QTRT1: variants seen among roughly 807,000 people sequenced by gnomAD.
QTRT1 encodes queuine tRNA-ribosyltransferase catalytic subunit 1, also known as TGT, 43-KD subunit.
A neutral mutation model predicts 44.0 loss-of-function variants in QTRT1; 41 were observed. The ratio of observed to expected loss-of-function variants is 0.93; its 90% CI spans 0.73 to 1.21. The LOEUF is 1.21. Ranked by LOEUF, QTRT1 falls within the 50% of genes most tolerant of loss-of-function variation. QTRT1 has a pLI of 0.00. For missense variants in QTRT1, 542 were observed against 575.8 expected (o/e 0.94, Z 0.60); for synonymous variants, 226 against 237.1 (o/e 0.95, Z 0.43).
intron 3 of QTRT1, among the ~76,000 whole-genome samples, chr19:10,704,838 C>G (rs1298791747): frequency 6.6e-6 from 1 of 151,872 alleles, no homozygotes; most frequent in Non-Finnish European, 1.5e-5. Flanking sequence ...CCGCCTGCCT[C>G]AGCCTCCCAA....
intron 5 of QTRT1, 101 bp downstream of exon 5, chr19:10,707,716 C>T: frequency 1.2e-6 from 1 of 803,414 alleles, no homozygotes; most frequent in Non-Finnish European, 1.9e-6. Context: ...TAGAAGGGCA[C>T]TGCGCTAGAA....
chr19:10,708,011 G>A (rs555658035), intron 5 of QTRT1, among the ~76,000 whole-genome samples: 28 of 151,122 alleles, frequency 1.9e-4, no homozygotes, highest in Admixed American at 4.0e-4. Context: ...GCTGTGGCGC[G>A]ATCTCGGCTC....
chr19:10,712,681 A>T lies in QTRT1; in HGVS notation c.861+53A>T. The T allele has an allele frequency of 2.7e-6, 2 of 753,654 alleles. No homozygotes were observed. Among genetic ancestry groups the T allele is most frequent in the Non-Finnish European group, 4.0e-6 (2 of 495,278 alleles). The allele number at this position is 753,654 out of a possible 1,614,324, so 46.7% of individuals were successfully genotyped here. A position where few individuals can be genotyped will look rare whatever the true frequency, so the allele number is the denominator to read the frequency against. ...GCGGGAGACGGGTGGGGGACTAGGG[A>T]GGCAAGGTTAGGGGTGGGGGGTGGG... On this transcript the variant is annotated intron_variant, in intron 7 of 9. Transcript: ENST00000250237. The surrounding 1 kb of genome is among the most constrained non-coding windows in gnomAD (Gnocchi z 5.6).
rs763258242 is a variant in QTRT1 at position 10,712,884 on chromosome 19, T to G, written c.971+17T>G. The G allele has an allele frequency of 3.1e-6, 5 of 1,613,160 alleles. No individual in the cohort carries two copies. Among genetic ancestry groups the G allele is most frequent in the Non-Finnish European group, 4.2e-6 (5 of 1,179,514 alleles). ...GTGCCAAAAGTAGGCAGGATGGCAC[T>G]GGGAGCTGGGGCAGGGCATGGAGGG... On this transcript the variant is annotated intron_variant, in intron 8 of 9. Coordinates refer to ENST00000250237, the MANE Select transcript of QTRT1 (RefSeq NM_031209.3). The surrounding 1 kb of genome is among the most constrained non-coding windows in gnomAD (Gnocchi z 5.6).
chr19:10,702,054 T>C (rs1288612314), intron 2 of QTRT1, 36 bp downstream of exon 2: 3 of 1,614,092 alleles, frequency 1.9e-6, no homozygotes, highest in Non-Finnish European at 2.5e-6. Context: ...CTAGGGCCCT[T>C]CTCTGGAGTG....
intron 5 of QTRT1, among the ~76,000 whole-genome samples, chr19:10,709,756 G>T (rs2068730271): frequency 6.6e-6 from 1 of 152,216 alleles, no homozygotes; most frequent in African/African-American, 2.4e-5. Context: ...GGCCGAGGCA[G>T]GAGAATGGCG....
chr19:10,712,376 G>T lies in QTRT1; in HGVS notation c.785+77G>T. 1 of 1,545,148 alleles carries T rather than the reference G, an allele frequency of 6.5e-7. No individual in the cohort carries two copies. The highest frequency in any genetic ancestry group is 8.8e-7 in the Non-Finnish European group (1 of 1,138,566). On this transcript the variant is annotated intron_variant, in intron 6 of 9. Transcript: ENST00000250237. This position sits in a 1 kb window ranked among gnomAD's most constrained non-coding sequence, Gnocchi z 5.6. Reference sequence around the variant, plus strand: ...GGGGACCCCCTACCCTGCTTGGGGAGGTGGCATTTGGGGGAAACGGACACA... The same window carrying T: ...GGGGACCCCCTACCCTGCTTGGGGATGTGGCATTTGGGGGAAACGGACACA...
chr19:10,712,247 C>T lies in QTRT1; in HGVS notation c.733C>T (p.Leu245=), dbSNP rs755070909. Reference sequence around the variant, plus strand: ...GTCGCAGTTCTGGCGGATGGTGGCGCTGAGCACCTCTCGGCTGCCGAAGGA... The same window carrying T: ...GTCGCAGTTCTGGCGGATGGTGGCGTTGAGCACCTCTCGGCTGCCGAAGGA... ...SKSQFWRMVA[L]STSRLPKDKP... Residue 245 remains leucine, a synonymous_variant, in exon 6 of 10, where the codon CTG becomes TTG. Transcript: ENST00000250237. The surrounding 1 kb of genome is among the most constrained non-coding windows in gnomAD (Gnocchi z 5.6). 11 of 1,614,092 alleles carry T rather than the reference C, an allele frequency of 6.8e-6. No individual in the cohort carries two copies. Among genetic ancestry groups the T allele is most frequent in the African/African-American group, 2.7e-5 (2 of 75,056 alleles).
intron 5 of QTRT1, chr19:10,709,145 C>G (rs2068727600): frequency 6.6e-6 from 1 of 152,194 alleles, no homozygotes; most frequent in South Asian, 2.1e-4. Flanking sequence ...ACTTGGAGGC[C>G]AGACCCAGGT....
chr19:10,701,495 C>T lies in QTRT1; in HGVS notation c.35C>T (p.Ser12Leu), dbSNP rs1393033316. ...AGAATQASLE[S>L]APRIMRLVAE... ...GCAGCTACCCAGGCTTCCCTGGAGT[C>T]GGCCCCACGGATCATGCGGCTGGTG... Residue 12 changes from serine to leucine, a missense_variant, in exon 1 of 10, where the codon TCG becomes TTG. Ser to Leu is a moderately radical substitution (Grantham distance 145). Transcript: ENST00000250237. 6.3e-7 allele frequency: 1 copy of T among 1,578,976 alleles called. No homozygotes were observed.
At position 10,701,466 on chromosome 19, in the gene QTRT1, G is replaced by C. The variant is rs778848001; in HGVS notation, c.6G>C (p.Ala2=). Residue 2 remains alanine (A), a synonymous_variant, in exon 1 of 10, where the codon GCG becomes GCC. Transcript: ENST00000250237. ...ACGTGGTTCCGACAGTCAAGATGGC[G>C]GGAGCAGCTACCCAGGCTTCCCTGG... M[A]GAATQASLES... 1.9e-6 allele frequency: 3 copies of C among 1,547,344 alleles called. No individual in the cohort carries two copies. The highest frequency in any genetic ancestry group is 1.4e-5 in the African/African-American group (1 of 73,684).
At chr19:10,705,437 C>T (rs185800623) in intron 3 of QTRT1, among the ~76,000 whole-genome samples, 98 of 151,930 alleles carry the variant, frequency 6.5e-4, no homozygotes, top group Non-Finnish European at 1.2e-3. Flanking sequence ...CGGGGTTTCA[C>T]CATGTTGGCC....
rs753589190 is a variant in QTRT1 at position 10,701,457 on chromosome 19, C to T, written c.-4C>T. 2 of 1,542,276 alleles carry T rather than the reference C, an allele frequency of 1.3e-6. No homozygotes were observed. Among genetic ancestry groups the T allele is most frequent in the East Asian group, 4.5e-5 (2 of 44,118 alleles). On this transcript the variant is annotated 5_prime_UTR_variant, in exon 1 of 10. Coordinates refer to ENST00000250237, the MANE Select transcript of QTRT1 (RefSeq NM_031209.3). ...GTACGGCCCACGTGGTTCCGACAGT[C>T]AAGATGGCGGGAGCAGCTACCCAGG...
chr19:10,710,626 T>G (rs1220552668), intron 5 of QTRT1, among the ~76,000 whole-genome samples: 1 of 151,986 alleles, frequency 6.6e-6, no homozygotes, highest in African/African-American at 2.4e-5. Context: ...TTTTTATTTT[T>G]TAAATTTTAC....
rs779784085 is a variant in QTRT1 at position 10,707,624 on chromosome 19, A to G, written c.646+9A>G. 1.3e-6 allele frequency: 2 copies of G among 1,580,572 alleles called. No homozygotes were observed. The highest frequency in any genetic ancestry group is 1.7e-6 in the Non-Finnish European group (2 of 1,160,740). On this transcript the variant is annotated intron_variant, in intron 5 of 9. Coordinates refer to ENST00000250237, the MANE Select transcript of QTRT1 (RefSeq NM_031209.3). ...GGCCACCTGCCTTGAAGGTAGAGCC[A>G]TGCGCTGGCAGGCCCAGGGCTTGGC...
Position 10,712,853 on chromosome 19 carries a change from C to T in QTRT1, c.957C>T (p.Cys319=). Residue 319 remains cysteine, a synonymous_variant, in exon 8 of 10, where the codon TGC becomes TGT. Coordinates refer to ENST00000250237, the MANE Select transcript of QTRT1 (RefSeq NM_031209.3). This position sits in a 1 kb window ranked among gnomAD's most constrained non-coding sequence, Gnocchi z 5.6. ...DFGPIDPECT[C]PTCQKHSRAF... is the part of the protein sequence containing the mutation. ...GCCCCATAGACCCGGAGTGCACCTGCCCCACGTGCCAAAAGTAGGCAGGAT... is the reference window on the plus strand; with the variant it reads ...GCCCCATAGACCCGGAGTGCACCTGTCCCACGTGCCAAAAGTAGGCAGGAT... 1.9e-6 allele frequency: 3 copies of T among 1,613,860 alleles called. No homozygotes were observed. Among genetic ancestry groups the T allele is most frequent in the Non-Finnish European group, 2.5e-6 (3 of 1,179,916 alleles).
At chr19:10,710,776 A>AG (rs2068735357) in intron 5 of QTRT1, among the ~76,000 whole-genome samples, 2 of 151,782 alleles carry the variant, frequency 1.3e-5, no homozygotes, top group Non-Finnish European at 2.9e-5. Flanking sequence ...ACAAAAAATT[A>AG]GCCGGGCATG....
Position 10,707,482 on chromosome 19 carries a change from A to G in QTRT1, c.531-18A>G, listed in dbSNP as rs1319651197. 6.2e-7 allele frequency: 1 copy of G among 1,609,988 alleles called. No individual in the cohort carries two copies. On this transcript the variant is annotated intron_variant, in intron 4 of 9. Transcript: ENST00000250237. ...CCTCACCAGGCCCCTGGGGCTTGTGACTGGGGCCCTGTTGCAGGTCAATCC... is the reference window on the plus strand; with the variant it reads ...CCTCACCAGGCCCCTGGGGCTTGTGGCTGGGGCCCTGTTGCAGGTCAATCC...
chr19:10,713,074 T>C lies in QTRT1; in HGVS notation c.1059+34T>C. 2 of 1,608,570 alleles carry C rather than the reference T, an allele frequency of 1.2e-6. No homozygotes were observed. The highest frequency in any genetic ancestry group is 2.2e-5 in the East Asian group (1 of 44,854). On this transcript the variant is annotated intron_variant, in intron 9 of 9. Transcript: ENST00000250237. The surrounding 1 kb of genome is among the most constrained non-coding windows in gnomAD (Gnocchi z 4.3). ...GTGCCCGGGGCAAGGTGGGCGGGGG[T>C]GTCCTAGGTGCGTATGCCCCACGCT...
Sources: gnomAD v4.1 joint callset for allele counts (sites outside exome capture counted in the v4.1 genomes callset) on GRCh38, gnomAD v4.1.1 for gene constraint, Gnocchi (gnomAD v3.1) non-coding constraint, MANE v1.5 for transcripts, NCBI Gene and HGNC (gene_info 2026-07-23, HGNC 2026-07-21) for gene names.